DACH2: variants seen among roughly 807,000 people sequenced by gnomAD.
The protein encoded by DACH2 is dachshund family transcription factor 2.
DACH2 carries 17 observed loss-of-function variants against 35.8 expected under a neutral mutation model. The observed-to-expected ratio is 0.48, with a 90% CI of 0.33 to 0.71. DACH2 has a LOEUF of 0.71. Ranked by LOEUF, DACH2 falls within the 30% of genes least tolerant of loss-of-function variation. DACH2 has a pLI of 0.02. For synonymous variants in DACH2, 195 were observed against 177.3 expected, an observed-to-expected ratio of 1.10 and a Z score of -0.79; for missense variants, 469 against 472.7, an observed-to-expected ratio of 0.99 and a Z score of 0.07.
chrX:86,189,098 G>T (rs919190026), intron 1 of DACH2, among the ~76,000 whole-genome samples: 2 of 111,959 alleles, frequency 1.8e-5, no homozygotes, highest in African/African-American at 6.5e-5. Context: ...TGTTGGAAAG[G>T]ATTTGGAAAT....
chrX:86,831,629 A>C (rs1280741473), intron 11 of DACH2: 1 of 111,056 alleles, frequency 9.0e-6, no homozygotes, highest in Admixed American at 9.7e-5. Context: ...CTGTAGCTGA[A>C]ACGATATTCC....
At chrX:86,517,206 G>A (rs770382128) in intron 3 of DACH2, among the ~76,000 whole-genome samples, 5 of 111,097 alleles carry the variant, frequency 4.5e-5, no homozygotes, top group Non-Finnish European at 9.4e-5. Context: ...CTGCAAACTC[G>A]TCAGCATGTT....
chrX:86,412,544 T>C (rs1410197858), intron 2 of DACH2, among the ~76,000 whole-genome samples: 1 of 111,671 alleles, frequency 9.0e-6, no homozygotes, highest in Non-Finnish European at 1.9e-5. Context: ...GACCAGTGAA[T>C]TCCATGAGCA....
rs542455607 is a variant in DACH2, at chrX:86,483,426, G to C, written c.528-30853G>C. Among the ~76,000 whole-genome samples the C allele has an allele frequency of 6.3e-5, 7 of 111,404 alleles. No homozygotes were observed. In the South Asian group the frequency reaches 2.7e-3, roughly 43 times the overall value. On this transcript the variant is annotated intron_variant, in intron 2 of 11. Transcript: ENST00000373125. ...AATCATTTTTCCTTTGGGACTACTG[G>C]AATGGCCTTTGTTCTCAGTATGTAT...
intron 1 of DACH2, among the ~76,000 whole-genome samples, chrX:86,326,928 C>T (rs1454814241): frequency 2.7e-5 from 3 of 111,546 alleles, no homozygotes; most frequent in African/African-American, 9.8e-5. Flanking sequence ...AACCATCAAT[C>T]GGTTCATGTA....
At chrX:86,372,990 G>C (rs770062678) in intron 1 of DACH2, among the ~76,000 whole-genome samples, 2 of 110,970 alleles carry the variant, frequency 1.8e-5, no homozygotes, top group South Asian at 7.6e-4. Context: ...CCATGTTGCT[G>C]CAAAGGACAT....
At chrX:86,680,870 T>C (rs554714223) in intron 4 of DACH2, among the ~76,000 whole-genome samples, 3 of 110,019 alleles carry the variant, frequency 2.7e-5, no homozygotes, top group African/African-American at 9.9e-5. Context: ...CCCAGCCTGG[T>C]CTTGACCCCT....
At chrX:86,383,620 A>G (rs1287169969) in intron 2 of DACH2, among the ~76,000 whole-genome samples, 1 of 102,506 alleles carries the variant, frequency 9.8e-6, no homozygotes, top group Non-Finnish European at 2.0e-5. Context: ...ATATTACTAT[A>G]AAATATTTTC....
At chrX:86,750,934 T>A (rs2041766077) in intron 7 of DACH2, among the ~76,000 whole-genome samples, 1 of 111,860 alleles carries the variant, frequency 8.9e-6, no homozygotes, top group African/African-American at 3.2e-5. Context: ...TTCCTGCTTT[T>A]CATACTTTTG....
intron 3 of DACH2, among the ~76,000 whole-genome samples, chrX:86,634,465 A>G (rs1203864633): frequency 3.6e-5 from 4 of 111,507 alleles, no homozygotes; most frequent in Admixed American, 9.6e-5. Flanking sequence ...ACTAGACAAG[A>G]GAAAGAAATA....
chrX:86,723,374 G>A (rs1162837671), intron 6 of DACH2, among the ~76,000 whole-genome samples: 1 of 105,008 alleles, frequency 9.5e-6, no homozygotes, highest in East Asian at 2.9e-4. Context: ...TGCTCCTTGA[G>A]GTGTGTTGTT....
chrX:86,368,205 A>C lies in DACH2; in HGVS notation c.489-8619A>C, dbSNP rs771648019. ...CATGGATTCAACATTCATTAATCAG[A>C]TGTATTTGAGTATTTACTGTATACC... On this transcript the variant is annotated intron_variant, in intron 1 of 11. Transcript: ENST00000373125. 9.8e-5 allele frequency among the ~76,000 whole-genome samples: 11 copies of C among 112,096 alleles called. No individual in the cohort carries two copies. In the Admixed American group the frequency reaches 1.0e-3, roughly 11 times the overall value.
chrX:86,612,802 AC>A (rs772980731), intron 3 of DACH2, among the ~76,000 whole-genome samples: 1 of 112,659 alleles, frequency 8.9e-6, no homozygotes, highest in Non-Finnish European at 1.9e-5. Flanking sequence ...TTATGAGTGT[AC>A]TTTTTGTGTA....
chrX:86,741,702 G>A (rs973775788), intron 7 of DACH2, among the ~76,000 whole-genome samples: 1 of 111,587 alleles, frequency 9.0e-6, no homozygotes, highest in Admixed American at 9.6e-5. Context: ...AAACCAAAAG[G>A]ACACATTCTT....
intron 1 of DACH2, among the ~76,000 whole-genome samples, chrX:86,210,259 ATT>A (rs1236439729): frequency 8.9e-6 from 1 of 111,744 alleles, no homozygotes; most frequent in Admixed American, 9.6e-5. Context: ...AAAAATGCCC[ATT>A]TTGTTCAAAA....
At chrX:86,817,835 G>C (rs1307777739) in intron 11 of DACH2, among the ~76,000 whole-genome samples, 1 of 111,849 alleles carries the variant, frequency 8.9e-6, no homozygotes, top group African/African-American at 3.2e-5. Context: ...ACCAAGAATG[G>C]ATTTTGCATA....
intron 7 of DACH2, among the ~76,000 whole-genome samples, chrX:86,802,204 A>G (rs909681607): frequency 2.7e-5 from 3 of 111,475 alleles, no homozygotes; most frequent in Non-Finnish European, 5.6e-5. Context: ...TTTAGCATCA[A>G]TTGGGCACTT....
At chrX:86,399,691 G>A (rs2036381969) in intron 2 of DACH2, among the ~76,000 whole-genome samples, 1 of 111,699 alleles carries the variant, frequency 9.0e-6, no homozygotes, top group Non-Finnish European at 1.9e-5. Flanking sequence ...TTTTCTTTAA[G>A]AATGTTGAAT....
At chrX:86,281,004 AGAC>A (rs963043401) in intron 1 of DACH2, among the ~76,000 whole-genome samples, 2 of 111,694 alleles carry the variant, frequency 1.8e-5, no homozygotes, top group African/African-American at 6.5e-5. Flanking sequence ...TAATAATGGA[AGAC>A]TTTAAAACCC....
Sources: allele counts gnomAD v4.1 joint callset (sites outside exome capture counted in the v4.1 genomes callset), GRCh38; gene constraint gnomAD v4.1.1; transcripts MANE v1.5; gene names NCBI Gene and HGNC (gene_info 2026-07-23, HGNC 2026-07-21).